Variants in PLEKHA8 observed in about 807,000 individuals in gnomAD.
PLEKHA8 encodes the protein pleckstrin homology domain containing A8, also known as pleckstrin homology domain-containing family A member 8.
In PLEKHA8, 36 loss-of-function variants were observed where a neutral mutation model predicts 68.2. That is an observed-to-expected ratio of 0.53 (90% confidence interval 0.40 to 0.70). PLEKHA8 has a LOEUF of 0.70. Ranked by LOEUF, PLEKHA8 falls within the 30% of genes least tolerant of loss-of-function variation. The pLI, the probability that PLEKHA8 is intolerant of heterozygous loss-of-function variation, is 0.00. For synonymous variants in PLEKHA8, 211 were observed against 216.1 expected (o/e 0.98, Z 0.20); for missense variants, 505 against 615.4 (o/e 0.82, Z 1.90).
At chr7:30,072,504 TG>T in intron 12 of PLEKHA8, among the ~76,000 whole-genome samples, 1 of 152,390 alleles carries the variant, frequency 6.6e-6, no homozygotes. Flanking sequence ...GATTGTAAAC[TG>T]GGTTGAAGCT....
At chr7:30,036,457 T>TAGAC (rs1039665019) in intron 1 of PLEKHA8, among the ~76,000 whole-genome samples, 6 of 142,266 alleles carry the variant, frequency 4.2e-5, no homozygotes, top group African/African-American at 1.6e-4. Context: ...GATAGATAGA[T>TAGAC]AGATAGATTA....
At chr7:30,049,087 C>T in intron 4 of PLEKHA8, 137 bp from the exon 5 acceptor site, 2 of 1,054,218 alleles carry the variant, frequency 1.9e-6, no homozygotes, top group South Asian at 3.0e-5. Context: ...TTGGGCTTTT[C>T]TTTTATAACT....
At position 30,074,073 on chromosome 7, in the gene PLEKHA8, A is replaced by G. The variant is rs1433658784; in HGVS notation, c.1303A>G (p.Asn435Asp). The part of the protein sequence containing the change: ...GEKDIQTALN[N>D]AYGKTLRQHH... ...ATGGAGTTTTTCTTCTTTTCAAGAT[A>G]ATGCATATGGTAAAACATTGCGGCA... The change falls in exon 13 of 14, where the codon AAT (asparagine) becomes GAT (aspartate). Residue 435 changes from asparagine (N) to aspartate (D), a missense_variant and splice_region_variant. Physicochemically the swap from Asn to Asp is conservative, Grantham distance 23 (BLOSUM62 1). Coordinates refer to ENST00000449726, the MANE Select transcript of PLEKHA8 (RefSeq NM_001197026.2). The G allele has an allele frequency of 6.2e-7, 1 of 1,611,480 alleles. No homozygotes were observed.
chr7:30,054,273 C>T (rs1170895527), intron 7 of PLEKHA8, among the ~76,000 whole-genome samples: 1 of 152,154 alleles, frequency 6.6e-6, no homozygotes, highest in African/African-American at 2.4e-5. Flanking sequence ...CCACAAATGT[C>T]TGCAAAAGTG....
chr7:30,049,072 A>G, intron 4 of PLEKHA8, 152 bp from the exon 5 acceptor site: 1 of 861,780 alleles, frequency 1.2e-6, no homozygotes, highest in Non-Finnish European at 1.8e-6. Flanking sequence ...TGATTAATAG[A>G]TAAATTGGGC....
chr7:30,107,467 ACT>A (rs1443105756), intron 13 of PLEKHA8, among the ~76,000 whole-genome samples: 3 of 150,770 alleles, frequency 2.0e-5, no homozygotes, highest in African/African-American at 7.3e-5. Flanking sequence ...ACCTTGACAA[ACT>A]CTTATTTGTA....
rs1354792526 is a variant in PLEKHA8 at position 30,090,394 on chromosome 7, G to C, written c.*219G>C. 5.7e-6 allele frequency: 3 copies of C among 530,434 alleles called. No homozygotes were observed. The East Asian group carries it at 9.5e-5, about 17-fold the overall frequency. The allele number at this position is 530,434 out of a possible 1,614,324, so 32.9% of individuals were successfully genotyped here. A position where few individuals can be genotyped will look rare whatever the true frequency, so the allele number is the denominator to read the frequency against. On this transcript the variant is annotated 3_prime_UTR_variant, in exon 13 of 13. Transcript: ENST00000258679. The stretch of plus-strand genomic sequence containing the variant: ...ACCAAGTCGTCAAATCTAATGTCAA[G>C]TTCTCTTAAGCAGGTAAGAACTCAG...
intron 13 of PLEKHA8, among the ~76,000 whole-genome samples, chr7:30,123,093 A>G (rs533216175): frequency 1.3e-5 from 2 of 152,332 alleles, no homozygotes; most frequent in South Asian, 2.1e-4. Flanking sequence ...TAAGACAACT[A>G]GAACCCACCT....
chr7:30,116,194 A>T (rs1015450725), intron 13 of PLEKHA8, among the ~76,000 whole-genome samples: 3 of 150,880 alleles, frequency 2.0e-5, no homozygotes, highest in South Asian at 2.1e-4. Context: ...ATACGCATAC[A>T]TACACGTATA....
chr7:30,071,097 A>C (rs1794207281), intron 12 of PLEKHA8, among the ~76,000 whole-genome samples: 1 of 152,236 alleles, frequency 6.6e-6, no homozygotes, highest in Non-Finnish European at 1.5e-5. Flanking sequence ...TCTGGGAGAA[A>C]GGATTATAGG....
At chr7:30,055,010 T>C (rs1273333470) in intron 8 of PLEKHA8, 145 bp downstream of exon 8, 2 of 864,188 alleles carry the variant, frequency 2.3e-6, no homozygotes, top group Non-Finnish European at 3.6e-6. Context: ...TGTTTACTCT[T>C]TCTTACCAAT....
downstream of PLEKHA8, among the ~76,000 whole-genome samples, chr7:30,085,994 A>T (rs1006770650): frequency 3.3e-5 from 5 of 152,184 alleles, no homozygotes; most frequent in African/African-American, 1.2e-4. Flanking sequence ...CTTGCCCTGA[A>T]GTTCCTCTTC....
At position 30,084,348 on chromosome 7, in the gene PLEKHA8, A is replaced by T. The variant is rs998329501; in HGVS notation, c.*5561A>T. On this transcript the variant is annotated 3_prime_UTR_variant, in exon 14 of 14. Transcript: ENST00000449726. The stretch of plus-strand genomic sequence containing the variant: ...TTAATGTTACCTGTTCTTGTCTCTC[A>T]GCATTTTGAATGAGCATCATAATCA... 18 of 985,318 alleles carry T rather than the reference A, an allele frequency of 1.8e-5. No homozygotes were observed. Among genetic ancestry groups the T allele is most frequent in the Non-Finnish European group, 2.2e-5 (18 of 829,900 alleles). The allele number at this position is 985,318 out of a possible 1,614,324, so 61.0% of individuals were successfully genotyped here. A position where few individuals can be genotyped will look rare whatever the true frequency, so the allele number is the denominator to read the frequency against.
At chr7:30,054,060 G>A (rs1792628344) in intron 7 of PLEKHA8, among the ~76,000 whole-genome samples, 1 of 152,102 alleles carries the variant, frequency 6.6e-6, no homozygotes, top group Admixed American at 6.5e-5. Context: ...TTTGTGGGTA[G>A]GAACGCTAGA....
chr7:30,079,907 T>A lies in PLEKHA8; in HGVS notation c.*1120T>A. On this transcript the variant is annotated 3_prime_UTR_variant, in exon 14 of 14. Transcript: ENST00000449726. ...AACTAAATGATATGTCCTTTTTTTT[T>A]TTTTCAAAGAGGATAAGGCTGCTAT... is the stretch of plus-strand genomic sequence containing the variant. 1.0e-6 allele frequency: 1 copy of A among 983,702 alleles called. No homozygotes were observed. Among genetic ancestry groups the A allele is most frequent in the Non-Finnish European group, 1.2e-6 (1 of 828,416 alleles). 60.9% of individuals were successfully genotyped at this position (983,702 alleles called of 1,614,324 possible).
chr7:30,062,789 T>A, intron 12 of PLEKHA8, 47 bp downstream of exon 12: 1 of 1,437,276 alleles, frequency 7.0e-7, no homozygotes, highest in Non-Finnish European at 9.8e-7. Flanking sequence ...GACTGTGGAA[T>A]GGAGACCCCT....
In PLEKHA8 at chr7:30,104,713, CTTTTTT is replaced by C. The variant is rs34669397; in HGVS notation, c.1363-24533_1363-24528del. 3.3e-4 allele frequency among the ~76,000 whole-genome samples: 34 copies of C among 102,866 alleles called. No individual in the cohort carries two copies. The Admixed American group carries it at 3.9e-3, about 12-fold the overall frequency. 67.5% of individuals were successfully genotyped at this position (102,866 alleles called of 152,430 possible). A position where few individuals can be genotyped will look rare whatever the true frequency, so the allele number is the denominator to read the frequency against. Reference sequence around the variant, plus strand: ...TGTTGAGTGGTAAAGGTCACAACAGCTTTTTTTTTTTTTTTTTTTTTTTTTCTGAGG... The same window carrying C: ...TGTTGAGTGGTAAAGGTCACAACAGCTTTTTTTTTTTTTTTTTTTCTGAGG... On this transcript the variant is annotated intron_variant, in intron 13 of 13. Transcript: ENST00000396257.
At chr7:30,036,731 A>G (rs1048144257) in intron 1 of PLEKHA8, among the ~76,000 whole-genome samples, 18 of 152,216 alleles carry the variant, frequency 1.2e-4, no homozygotes, top group Admixed American at 1.1e-3. Flanking sequence ...TACCATCTAC[A>G]TGGTAGACTC....
At chr7:30,125,357 T>C (rs1372517085) in intron 13 of PLEKHA8, among the ~76,000 whole-genome samples, 1 of 152,210 alleles carries the variant, frequency 6.6e-6, no homozygotes, top group African/African-American at 2.4e-5. Flanking sequence ...TTTATTGGGG[T>C]AGTAAATGCA....
Sources: gnomAD v4.1 joint callset for allele counts (sites outside exome capture counted in the v4.1 genomes callset) on GRCh38, gnomAD v4.1.1 for gene constraint, MANE v1.5 for transcripts, NCBI Gene and HGNC (gene_info 2026-07-23, HGNC 2026-07-21) for gene names.